The following SLC35A5 variants were observed in gnomAD, a reference collection of about 807,000 sequenced individuals.
SLC35A5 encodes UDP-sugar transporter protein SLC35A5.
A neutral mutation model predicts 36.3 loss-of-function variants in SLC35A5; 28 were observed. That is an observed-to-expected ratio of 0.77 (90% confidence interval 0.57 to 1.06). SLC35A5 has a LOEUF of 1.06. Among genes scored for constraint, SLC35A5 ranks in the 50% least tolerant of loss-of-function variants. The probability of loss-of-function intolerance (pLI) is 0.00; values close to 1 mark genes in which losing one functional copy is unlikely to be tolerated. For missense variants in SLC35A5, 521 were observed against 499.3 expected (o/e 1.04, Z -0.41); for synonymous variants, 180 against 173.7 (o/e 1.04, Z -0.29).
At chr3:112,562,522 A>G (rs1266223958) in intron 1 of SLC35A5, among the ~76,000 whole-genome samples, 2 of 152,296 alleles carry the variant, frequency 1.3e-5, no homozygotes, top group South Asian at 2.1e-4. Flanking sequence ...TGGGCAAGTT[A>G]CTTACCCAAC....
rs531508033 is a variant in SLC35A5 at position 112,573,954 on chromosome 3, G to T, written c.426G>T (p.Leu142=). The T allele has an allele frequency of 9.3e-6, 15 of 1,611,006 alleles. No homozygotes were observed. The South Asian group carries it at 1.6e-4, about 18-fold the overall frequency. The change falls in exon 5 of 7, where the codon CTG becomes CTT. Residue 142 remains leucine, a splice_region_variant and synonymous_variant. Coordinates refer to ENST00000492406, the MANE Select transcript of SLC35A5 (RefSeq NM_017945.5). The part of the protein sequence containing the change: ...ITTALLFRIV[L]KRRLNWIQWA... ...CAGCTCTTCTATTCAGGATAGTGCT[G>T]AAGTAAGTAACTTGCTGTGAAAACA...
rs544140809 is a variant in SLC35A5 at position 112,584,312 on chromosome 3, G to A, written c.*1576G>A. On this transcript the variant is annotated 3_prime_UTR_variant, in exon 7 of 7. Coordinates refer to ENST00000492406, the MANE Select transcript of SLC35A5 (RefSeq NM_017945.5). ...ACAAAGGCATTTTCATCAGTTATGT[G>A]AAATACGAAGATTATATCTATTATG... The A allele has an allele frequency of 4.6e-5, 7 of 152,248 alleles. No homozygotes were observed. The East Asian group carries it at 1.4e-3, about 29-fold the overall frequency. 9.4% of individuals were successfully genotyped at this position (152,248 alleles called of 1,614,324 possible).
At chr3:112,572,212 G>C (rs1190989112) in intron 4 of SLC35A5, among the ~76,000 whole-genome samples, 1 of 151,588 alleles carries the variant, frequency 6.6e-6, no homozygotes, top group East Asian at 1.9e-4. Flanking sequence ...AAAGTGCTGG[G>C]ATTACAGGCG....
chr3:112,576,266 T>TA (rs1027287200), intron 5 of SLC35A5, among the ~76,000 whole-genome samples: 2 of 152,106 alleles, frequency 1.3e-5, no homozygotes, highest in Non-Finnish European at 2.9e-5. Flanking sequence ...TAGCTGGTGT[T>TA]ACAGGCACGT....
At chr3:112,572,309 CTA>C (rs1934485135) in intron 4 of SLC35A5, among the ~76,000 whole-genome samples, 1 of 151,800 alleles carries the variant, frequency 6.6e-6, no homozygotes, top group Admixed American at 6.6e-5. Context: ...GTTACCCCCT[CTA>C]TGAAATAAAT....
intron 4 of SLC35A5, 63 bp from the exon 5 acceptor site, chr3:112,573,826 C>G (rs1934555836): frequency 7.2e-7 from 1 of 1,398,240 alleles, no homozygotes; most frequent in African/African-American, 1.4e-5. Flanking sequence ...AACTGCCAAG[C>G]TAAGACATTT....
intron 5 of SLC35A5, among the ~76,000 whole-genome samples, chr3:112,574,598 A>G (rs1934589653): frequency 1.3e-5 from 2 of 152,144 alleles, no homozygotes; most frequent in African/African-American, 4.8e-5. Context: ...GGATCTGGAT[A>G]CTTAACTTCA....
At chr3:112,561,381 G>A, upstream of SLC35A5, 1 of 1,481,122 alleles carries the variant, frequency 6.8e-7, no homozygotes, top group Non-Finnish European at 9.4e-7. Context: ...GGAGAAAGCG[G>A]GGACTCCTGC....
Position 112,580,697 on chromosome 3 carries a change from C to T in SLC35A5, c.580C>T (p.Leu194Phe). The change falls in exon 6 of 7, where the codon CTT (leucine) becomes TTT (phenylalanine). Residue 194 changes from leucine to phenylalanine, a missense_variant. Leu to Phe is a conservative substitution (Grantham distance 22). Coordinates refer to ENST00000492406, the MANE Select transcript of SLC35A5 (RefSeq NM_017945.5). ...AFFSPSNSCLLFRSECPRKDN... is the reference protein window; with the variant it reads ...AFFSPSNSCLFFRSECPRKDN... ...TTTCAGCCCTTCCAATTCCTGCCTTCTTTTCAGAAGTGAGTGTCCCAGAAA... is the reference window on the plus strand; with the variant it reads ...TTTCAGCCCTTCCAATTCCTGCCTTTTTTTCAGAAGTGAGTGTCCCAGAAA... 6.2e-7 allele frequency: 1 copy of T among 1,614,136 alleles called. No homozygotes were observed. Among genetic ancestry groups the T allele is most frequent in the South Asian group, 1.1e-5 (1 of 91,088 alleles).
rs35692417 is a variant in SLC35A5, at chr3:112,570,658, C to T, written c.348C>T (p.Ser116=). 89,099 of 1,584,372 alleles carry T rather than the reference C, an allele frequency of 0.056. 3,286 individuals are homozygous for T. The highest frequency in any genetic ancestry group is 0.18 in the Admixed American group (9,959 of 56,112). The stretch of plus-strand genomic sequence containing the variant: ...ACTTGATTGTCTTCTATGTCCTGTC[C>T]TATCTTCAACCAGTAAGTAAATATG... ...LDNLIVFYVL[S]YLQPAMAVIF... Residue 116 remains serine (S), a synonymous_variant, in exon 4 of 7, where the codon TCC becomes TCT. Transcript: ENST00000492406.
upstream of SLC35A5, chr3:112,561,685 G>C: frequency 1.4e-6 from 1 of 721,380 alleles, no homozygotes; most frequent in South Asian, 1.9e-5. Context: ...GGGACGGGCG[G>C]GACGAGGGGG....
intron 3 of SLC35A5, among the ~76,000 whole-genome samples, chr3:112,569,808 C>T (rs1934360807): frequency 6.6e-6 from 1 of 152,176 alleles, no homozygotes; most frequent in Non-Finnish European, 1.5e-5. Flanking sequence ...AATTCTTCAC[C>T]TTAGTTCCCC....
intron 2 of SLC35A5, among the ~76,000 whole-genome samples, chr3:112,566,550 C>T (rs1408734514): frequency 6.6e-6 from 1 of 152,100 alleles, no homozygotes; most frequent in Non-Finnish European, 1.5e-5. Flanking sequence ...ATGCGGACAC[C>T]AGAAAAGCAT....
rs907183897 is a variant in SLC35A5 at position 112,583,950 on chromosome 3, C to G, written c.*1214C>G. 6.6e-6 allele frequency: 1 copy of G among 151,986 alleles called. No individual in the cohort carries two copies. Among genetic ancestry groups the G allele is most frequent in the Non-Finnish European group, 1.5e-5 (1 of 67,988 alleles). 9.4% of individuals were successfully genotyped at this position (151,986 alleles called of 1,614,324 possible). Reference sequence around the variant, plus strand: ...AGAAGAGTGGGCTTTAACTGGCAGGCCTGTATGTTTACAGACTACCATACT... The same window carrying G: ...AGAAGAGTGGGCTTTAACTGGCAGGGCTGTATGTTTACAGACTACCATACT... On this transcript the variant is annotated 3_prime_UTR_variant, in exon 7 of 7. Transcript: ENST00000492406.
Position 112,580,749 on chromosome 3 carries a change from CT to C in SLC35A5, c.636del (p.Pro213LeufsTer25). On this transcript the variant is annotated frameshift_variant, in exon 6 of 7. Transcript: ENST00000492406. LOFTEE classifies it high-confidence loss of function. ...GACAATTGTACAGCAAAGGAATGGA[CT>C]TTTCCTGAAGCTAAATGGAACACCA... ...RKDNCTAKEW[T>X]FPEAKWNTTA... is the part of the protein sequence containing the mutation. 6.2e-7 allele frequency: 1 copy of C among 1,614,188 alleles called. No individual in the cohort carries two copies. The highest frequency in any genetic ancestry group is 1.1e-5 in the South Asian group (1 of 91,086).
At chr3:112,572,075 TG>T (rs1934470695) in intron 4 of SLC35A5, among the ~76,000 whole-genome samples, 1 of 150,460 alleles carries the variant, frequency 6.6e-6, no homozygotes, top group Non-Finnish European at 1.5e-5. Context: ...CCCGAGTAGC[TG>T]GGACTACAGG....
In SLC35A5 at chr3:112,563,522, C is replaced by T. The variant is rs1934042942; in HGVS notation, c.119C>T (p.Ser40Phe). Residue 40 changes from serine to phenylalanine, a missense_variant, in exon 2 of 7, where the codon TCT (serine) becomes TTT (phenylalanine). By Grantham distance (155) the Ser-to-Phe change is radical. Coordinates refer to ENST00000492406, the MANE Select transcript of SLC35A5 (RefSeq NM_017945.5). ...AGTCGCATCTTACTAGTGAAGTATT[C>T]TGCCAATGAAGGTAAGTTAAGACTT... ...SSSRILLVKY[S>F]ANEENKYDYL... 6.2e-6 allele frequency: 10 copies of T among 1,601,032 alleles called. No homozygotes were observed. The highest frequency in any genetic ancestry group is 5.6e-5 in the South Asian group (5 of 90,028).
chr3:112,581,436 C>T, intron 6 of SLC35A5, 110 bp downstream of exon 6: 2 of 1,146,082 alleles, frequency 1.7e-6, no homozygotes, highest in Middle Eastern at 5.6e-4. Flanking sequence ...TGTATTGGAT[C>T]TCTGACTTTT....
intron 5 of SLC35A5, among the ~76,000 whole-genome samples, chr3:112,579,987 T>C (rs1050687359): frequency 1.2e-4 from 19 of 152,256 alleles, no homozygotes; most frequent in African/African-American, 3.6e-4. Flanking sequence ...CATTTTTCTT[T>C]GGCTTGTCAG....
Sources: allele counts gnomAD v4.1 joint callset (sites outside exome capture counted in the v4.1 genomes callset), GRCh38; gene constraint gnomAD v4.1.1; transcripts MANE v1.5; gene names NCBI Gene and HGNC (gene_info 2026-07-23, HGNC 2026-07-21).